The following GSK3B variants were observed in gnomAD, a reference collection of about 807,000 sequenced individuals.
GSK3B encodes the protein glycogen synthase kinase-3 beta.
A neutral mutation model predicts 56.4 loss-of-function variants in GSK3B; 15 were observed. The observed-to-expected ratio is 0.27, with a 90% confidence interval of 0.18 to 0.41. The LOEUF is 0.41. Ranked by LOEUF, GSK3B falls within the 10% of genes least tolerant of loss-of-function variation. The pLI, the probability that GSK3B is intolerant of heterozygous loss-of-function variation, is 1.00. For synonymous variants in GSK3B, 181 were observed against 188.9 expected, an observed-to-expected ratio of 0.96 and a Z score of 0.34; for missense variants, 300 against 513.4, an observed-to-expected ratio of 0.58 and a Z score of 4.02.
At chr3:119,929,493 C>T (rs893813446) in intron 3 of GSK3B, among the ~76,000 whole-genome samples, 13 of 152,214 alleles carry the variant, frequency 8.5e-5, no homozygotes, top group Non-Finnish European at 1.5e-4. Flanking sequence ...CTGAACCAGG[C>T]GCAGTGGCTC....
At chr3:119,927,142 T>C (rs2056896138) in intron 3 of GSK3B, among the ~76,000 whole-genome samples, 1 of 152,220 alleles carries the variant, frequency 6.6e-6, no homozygotes. Flanking sequence ...GCAATGGGCA[T>C]TTTAAAAAAT....
chr3:119,893,975 T>A (rs1057151473), intron 7 of GSK3B, among the ~76,000 whole-genome samples: 2 of 152,080 alleles, frequency 1.3e-5, no homozygotes, highest in African/African-American at 4.8e-5. Context: ...CAATCATCAC[T>A]GCTGTCTAAT....
chr3:119,936,355 T>TATA lies in GSK3B; in HGVS notation c.366+10912_366+10913insTAT, dbSNP rs369231645. Among the ~76,000 whole-genome samples the TATA allele has an allele frequency of 3.4e-3, 155 of 45,252 alleles. 1 individual carries two copies. Among genetic ancestry groups the TATA allele is most frequent in the African/African-American group, 0.016 (110 of 6,732 alleles). 29.7% of individuals were successfully genotyped at this position (45,252 alleles called of 152,430 possible). ...TATAAAAAATATATATATATATATA[T>TATA]TTTTTTTTTGAGACAAAGTCTCGCT... On this transcript the variant is annotated intron_variant, in intron 3 of 10. Transcript: ENST00000264235.
chr3:119,943,997 A>G (rs2057074967), intron 3 of GSK3B, among the ~76,000 whole-genome samples: 1 of 152,174 alleles, frequency 6.6e-6, no homozygotes, highest in African/African-American at 2.4e-5. Context: ...GGCTAGAGAA[A>G]GAGACTGATA....
intron 2 of GSK3B, among the ~76,000 whole-genome samples, chr3:119,948,669 C>G (rs2057124685): frequency 6.6e-6 from 1 of 152,048 alleles, no homozygotes; most frequent in African/African-American, 2.4e-5. Context: ...CAAATTGAAG[C>G]TATTTCTGGA....
intron 2 of GSK3B, among the ~76,000 whole-genome samples, chr3:119,959,858 T>G (rs2057254679): frequency 6.6e-6 from 1 of 152,006 alleles, no homozygotes; most frequent in Non-Finnish European, 1.5e-5. Context: ...CGGCTTGACC[T>G]CACATTAATC....
At chr3:119,891,063 A>G (rs2056495828) in intron 7 of GSK3B, among the ~76,000 whole-genome samples, 1 of 152,062 alleles carries the variant, frequency 6.6e-6, no homozygotes, top group Admixed American at 6.6e-5. Flanking sequence ...ATCAGGTGAC[A>G]ATAGTATAGC....
chr3:119,951,547 G>C (rs2057157474), intron 2 of GSK3B, among the ~76,000 whole-genome samples: 1 of 152,134 alleles, frequency 6.6e-6, no homozygotes, highest in African/African-American at 2.4e-5. Context: ...CTCCAGCCTA[G>C]AAAACAAGCC....
At position 119,880,242 on chromosome 3, in the gene GSK3B, T is replaced by A. The variant is rs141595185; in HGVS notation, c.814-3734A>T. 1.4e-4 allele frequency among the ~76,000 whole-genome samples: 22 copies of A among 152,340 alleles called. No homozygotes were observed. In the East Asian group the frequency reaches 2.7e-3, roughly 19 times the overall value. On this transcript the variant is annotated intron_variant, in intron 7 of 10. Transcript: ENST00000264235. ...TCAATGATGTTGAGCACCTCTCATATACCTGTTTGCCATCTGTATGTATCC... is the reference window on the plus strand; with the variant it reads ...TCAATGATGTTGAGCACCTCTCATAAACCTGTTTGCCATCTGTATGTATCC...
rs68194015 is a variant in GSK3B, at chr3:119,826,305, C to T, written c.*483G>A. 27,481 of 291,332 alleles carry T rather than the reference C, an allele frequency of 0.094. 1,593 individuals carry two copies. The highest frequency in any genetic ancestry group is 0.13 in the Middle Eastern group (123 of 958). 18.0% of individuals were successfully genotyped at this position (291,332 alleles called of 1,614,324 possible). On this transcript the variant is annotated 3_prime_UTR_variant, in exon 11 of 11. Transcript: ENST00000264235. Reference sequence around the variant, plus strand: ...ATTTTACAAGTGACATTTAAGTCCCCGTTGAGTTATACCTGCTAAGCTCCC... The same window carrying T: ...ATTTTACAAGTGACATTTAAGTCCCTGTTGAGTTATACCTGCTAAGCTCCC...
chr3:119,850,604 T>C (rs888033263), intron 9 of GSK3B, among the ~76,000 whole-genome samples: 1 of 152,162 alleles, frequency 6.6e-6, no homozygotes, highest in African/African-American at 2.4e-5. Flanking sequence ...CAACCATTAC[T>C]ACCTACTTCT....
intron 7 of GSK3B, 140 bp downstream of exon 7, chr3:119,905,615 T>G (rs949005747): frequency 8.0e-5 from 52 of 646,010 alleles, no homozygotes; most frequent in Admixed American, 3.5e-4. Context: ...TTATACCCAC[T>G]TTATAGCTGA....
chr3:120,063,750 G>A (rs1470131847), intron 1 of GSK3B, among the ~76,000 whole-genome samples: 4 of 132,646 alleles, frequency 3.0e-5, no homozygotes, highest in East Asian at 2.2e-4. Context: ...AAAAAAAATC[G>A]CAGCACTTTG....
chr3:119,827,429 A>G (rs1016392961), intron 10 of GSK3B, among the ~76,000 whole-genome samples: 1 of 152,094 alleles, frequency 6.6e-6, no homozygotes, highest in African/African-American at 2.4e-5. Context: ...CAACAGATGA[A>G]TGGATAAAAG....
intron 1 of GSK3B, among the ~76,000 whole-genome samples, chr3:120,065,998 G>A (rs2058275338): frequency 6.6e-6 from 1 of 152,168 alleles, no homozygotes; most frequent in Admixed American, 6.5e-5. Flanking sequence ...TCCTTGCAGG[G>A]TAGGGAAAAG....
chr3:120,021,152 AT>A (rs979316810), intron 1 of GSK3B, among the ~76,000 whole-genome samples: 1 of 152,114 alleles, frequency 6.6e-6, no homozygotes, highest in Non-Finnish European at 1.5e-5. Flanking sequence ...TATCCAGAAG[AT>A]TTAGCTAAGA....
rs747861902 is a variant in GSK3B at position 119,986,499 on chromosome 3, AC to A, written c.282+15546del. Among the ~76,000 whole-genome samples the A allele has an allele frequency of 5.3e-5, 8 of 152,018 alleles. No homozygotes were observed. In the East Asian group the frequency reaches 7.7e-4, roughly 15 times the overall value. On this transcript the variant is annotated intron_variant, in intron 2 of 10. Transcript: ENST00000264235. ...AAACAAATTTACAAAAAAAAAAACA[AC>A]CCCCATCATAAAGTGGGCAACAGAT...
intron 2 of GSK3B, among the ~76,000 whole-genome samples, chr3:119,981,972 GC>G (rs1339275174): frequency 6.6e-6 from 1 of 152,166 alleles, no homozygotes; most frequent in Non-Finnish European, 1.5e-5. Flanking sequence ...ATAGGCAGCT[GC>G]CCCGCTGTGA....
intron 7 of GSK3B, among the ~76,000 whole-genome samples, chr3:119,882,221 A>G (rs1041265028): frequency 6.6e-6 from 1 of 152,016 alleles, no homozygotes; most frequent in East Asian, 1.9e-4. Flanking sequence ...ATACACAATA[A>G]AACAGTTGAG....
Sources: allele counts gnomAD v4.1 joint callset (sites outside exome capture counted in the v4.1 genomes callset), GRCh38; gene constraint gnomAD v4.1.1; transcripts MANE v1.5; gene names NCBI Gene and HGNC (gene_info 2026-07-23, HGNC 2026-07-21).